MYO5A: variants seen among roughly 807,000 people sequenced by gnomAD.
MYO5A encodes unconventional myosin-Va.
In MYO5A, 98 loss-of-function variants were observed where a neutral mutation model predicts 249.7. The ratio of observed to expected loss-of-function variants is 0.39; its 90% CI spans 0.33 to 0.46. The LOEUF is 0.46. Among genes scored for constraint, MYO5A ranks in the 20% least tolerant of loss-of-function variants. The pLI, the probability that MYO5A is intolerant of heterozygous loss-of-function variation, is 0.98. For missense variants in MYO5A, 1,696 were observed against 2,308.8 expected (o/e 0.73, Z 5.44); for synonymous variants, 778 against 810.6 (o/e 0.96, Z 0.68).
At chr15:52,453,551 T>C (rs912473710) in intron 1 of MYO5A, among the ~76,000 whole-genome samples, 1 of 152,164 alleles carries the variant, frequency 6.6e-6, no homozygotes, top group Non-Finnish European at 1.5e-5. Context: ...CTCAGAATAA[T>C]TGAAACTGCA....
At chr15:52,416,051 C>G (rs1002942169) in intron 5 of MYO5A, 94 bp downstream of exon 5, 13 of 1,446,596 alleles carry the variant, frequency 9.0e-6, no homozygotes, top group Non-Finnish European at 1.2e-5. Context: ...GCTGGAGACC[C>G]CAGGCTTTCT....
At chr15:52,439,261 C>T (rs1183801586) in intron 1 of MYO5A, among the ~76,000 whole-genome samples, 1 of 152,166 alleles carries the variant, frequency 6.6e-6, no homozygotes, top group Non-Finnish European at 1.5e-5. Context: ...AAGGACGACC[C>T]GGTAACACTG....
chr15:52,359,089 C>T (rs2040392602), intron 25 of MYO5A, among the ~76,000 whole-genome samples: 1 of 152,136 alleles, frequency 6.6e-6, no homozygotes, highest in South Asian at 2.1e-4. Flanking sequence ...TGTATGATTC[C>T]AATGATATGA....
chr15:52,511,572 T>C (rs2077390626), intron 1 of MYO5A, among the ~76,000 whole-genome samples: 1 of 152,168 alleles, frequency 6.6e-6, no homozygotes, highest in Admixed American at 6.5e-5. Context: ...TACTCAGGGG[T>C]AGTCTCCTCA....
At chr15:52,409,234 T>G (rs1417830967) in intron 6 of MYO5A, among the ~76,000 whole-genome samples, 1 of 152,112 alleles carries the variant, frequency 6.6e-6, no homozygotes, top group African/African-American at 2.4e-5. Flanking sequence ...CTTTCCCCCC[T>G]GCTTACTCAC....
At chr15:52,468,685 CA>C (rs1022753401) in intron 1 of MYO5A, among the ~76,000 whole-genome samples, 3 of 151,812 alleles carry the variant, frequency 2.0e-5, no homozygotes, top group Non-Finnish European at 2.9e-5. Flanking sequence ...AACATAATAA[CA>C]AAATATTTAA....
intron 1 of MYO5A, among the ~76,000 whole-genome samples, chr15:52,502,291 T>TAC (rs1566860791): frequency 6.6e-6 from 1 of 151,536 alleles, no homozygotes; most frequent in Non-Finnish European, 1.5e-5. Context: ...CCAATACATA[T>TAC]ATACATACAT....
Position 52,321,348 on chromosome 15 carries a change from C to G in MYO5A, c.4951+11G>C. The G allele has an allele frequency of 1.2e-6, 2 of 1,614,142 alleles. No individual in the cohort carries two copies. The highest frequency in any genetic ancestry group is 2.2e-5 in the South Asian group (2 of 91,064). ...GGCAGGCTGCAATGCCCAGTGGGGC[C>G]CTGGCCTTACCAATCATTGGCTGAA... On this transcript the variant is annotated intron_variant, in intron 38 of 41. Coordinates refer to ENST00000399233, the MANE Select transcript of MYO5A (RefSeq NM_001382347.1).
chr15:52,352,897 C>T (rs2040028151), intron 27 of MYO5A, among the ~76,000 whole-genome samples: 1 of 152,156 alleles, frequency 6.6e-6, no homozygotes, highest in African/African-American at 2.4e-5. Flanking sequence ...AAAATGAATG[C>T]TCTCTCCCTT....
chr15:52,431,684 T>TAAAAAAA (rs56264450), intron 2 of MYO5A, among the ~76,000 whole-genome samples: 1 of 140,598 alleles, frequency 7.1e-6, no homozygotes, highest in Non-Finnish European at 1.5e-5. Context: ...GTGCTATATC[T>TAAAAAAA]AAAAAAAAAA....
chr15:52,436,067 G>A (rs1056822364), intron 1 of MYO5A, among the ~76,000 whole-genome samples: 2 of 152,112 alleles, frequency 1.3e-5, no homozygotes, highest in Non-Finnish European at 2.9e-5. Flanking sequence ...ACAGGTGCCT[G>A]CCACCACACC....
At chr15:52,364,525 T>C in intron 24 of MYO5A, 29 bp downstream of exon 24, 1 of 1,335,584 alleles carries the variant, frequency 7.5e-7, no homozygotes, top group Non-Finnish European at 1.0e-6. Context: ...AATTTTTCAT[T>C]AAAAAAAAAA....
intron 25 of MYO5A, 93 bp downstream of exon 25, chr15:52,359,875 T>C (rs1262429143): frequency 2.4e-6 from 2 of 843,158 alleles, no homozygotes; most frequent in Non-Finnish European, 4.0e-6. Flanking sequence ...ACTATGTTTA[T>C]GGCCAATTGG....
At chr15:52,331,029 G>C (rs1204990343) in intron 34 of MYO5A, among the ~76,000 whole-genome samples, 1 of 152,096 alleles carries the variant, frequency 6.6e-6, no homozygotes, top group Admixed American at 6.5e-5. Flanking sequence ...CATACAGATA[G>C]CTGGTAGAAG....
intron 30 of MYO5A, among the ~76,000 whole-genome samples, chr15:52,345,102 T>C: frequency 6.6e-6 from 1 of 152,212 alleles, no homozygotes; most frequent in East Asian, 1.9e-4. Context: ...CTCCCTTGGA[T>C]AGCAAGATCC....
At chr15:52,513,356 G>T (rs1329908654) in intron 1 of MYO5A, among the ~76,000 whole-genome samples, 1 of 149,194 alleles carries the variant, frequency 6.7e-6, no homozygotes, top group Non-Finnish European at 1.5e-5. Flanking sequence ...GCCTGAACCC[G>T]GGAGGCAGAG....
intron 38 of MYO5A, among the ~76,000 whole-genome samples, chr15:52,321,014 A>G (rs922840357): frequency 2.1e-5 from 3 of 145,718 alleles, no homozygotes; most frequent in Non-Finnish European, 4.5e-5. Flanking sequence ...CTCTGTCTCA[A>G]AAAAAAAAAA....
At chr15:52,439,425 C>A (rs944705584) in intron 1 of MYO5A, among the ~76,000 whole-genome samples, 3 of 152,162 alleles carry the variant, frequency 2.0e-5, no homozygotes, top group African/African-American at 7.2e-5. Flanking sequence ...TACCTGAAAC[C>A]TTATTTTAGT....
Position 52,346,444 on chromosome 15 carries a change from G to A in MYO5A, c.3876C>T (p.Ser1292=), listed in dbSNP as rs376167827. The A allele has an allele frequency of 1.9e-6, 3 of 1,595,240 alleles. No homozygotes were observed. In the African/African-American group the frequency reaches 4.0e-5, roughly 21 times the overall value. ...TTTGTACATCTTCCAAAAGTATTGT[G>A]GAATCTGTCATTGTATTCTGAGAGG... ...PKDDKNTMTD[S]TILLEDVQKM... The change falls in exon 30 of 42, where the codon TCC becomes TCT. Residue 1292 remains serine (S), a synonymous_variant. Transcript: ENST00000399233.
Sources: gnomAD v4.1 joint callset for allele counts (sites outside exome capture counted in the v4.1 genomes callset) on GRCh38, gnomAD v4.1.1 for gene constraint, MANE v1.5 for transcripts, NCBI Gene and HGNC (gene_info 2026-07-23, HGNC 2026-07-21) for gene names.